Variants in TEF observed in about 807,000 individuals in gnomAD.
The protein encoded by TEF is TEF transcription factor, PAR bZIP family member, also known as thyrotroph embryonic factor.
A neutral mutation model predicts 20.8 loss-of-function variants in TEF; 3 were observed. That is an observed-to-expected ratio of 0.14 (90% CI 0.07 to 0.37). TEF has a LOEUF of 0.37. TEF is among the 10% of genes least tolerant of loss of function. TEF has a pLI of 1.00. For synonymous variants in TEF, 180 were observed against 171.1 expected (o/e 1.05, Z -0.41); for missense variants, 296 against 397.9 (o/e 0.74, Z 2.18).
chr22:41,385,414 A>G (rs537534429), intron 1 of TEF, among the ~76,000 whole-genome samples: 1 of 152,238 alleles, frequency 6.6e-6, no homozygotes, highest in East Asian at 1.9e-4. Context: ...CTTTATCCTT[A>G]TGTACAGTGG....
chr22:41,396,145 A>T lies in TEF; in HGVS notation c.*185A>T. 3.2e-6 allele frequency: 2 copies of T among 617,198 alleles called. No homozygotes were observed. Among genetic ancestry groups the T allele is most frequent in the South Asian group, 4.0e-5 (2 of 49,422 alleles). The allele number at this position is 617,198 out of a possible 1,614,324, so 38.2% of individuals were successfully genotyped here. ...GCCTGCGCACGTGGCGACGTCCCTG[A>T]GGGGCCAGTCTCCTCACTGGTGGGG... On this transcript the variant is annotated 3_prime_UTR_variant, in exon 4 of 4. Coordinates refer to ENST00000266304, the MANE Select transcript of TEF (RefSeq NM_003216.4).
exon 1 of TEF, chr22:41,367,586 A>G: frequency 6.4e-7 from 1 of 1,551,330 alleles, no homozygotes; most frequent in Non-Finnish European, 8.7e-7. Flanking sequence ...TGCCTTGGCC[A>G]GAGAAGAGAA....
chr22:41,377,993 C>T (rs2036964850), upstream of TEF, among the ~76,000 whole-genome samples: 1 of 152,112 alleles, frequency 6.6e-6, no homozygotes, highest in Admixed American at 6.6e-5. Context: ...CTCATAAACA[C>T]GTGTTAGAAC....
At chr22:41,378,152 C>G (rs2036967011), upstream of TEF, among the ~76,000 whole-genome samples, 1 of 97,582 alleles carries the variant, frequency 1.0e-5, no homozygotes, top group Non-Finnish European at 2.4e-5. Flanking sequence ...TTTTAAAAAG[C>G]TTCCTTAGCT....
Position 41,396,034 on chromosome 22 carries a change from C to T in TEF, c.*74C>T. 2 of 1,499,600 alleles carry T rather than the reference C, an allele frequency of 1.3e-6. No individual in the cohort carries two copies. The highest frequency in any genetic ancestry group is 1.8e-6 in the Non-Finnish European group (2 of 1,098,676). The allele number at this position is 1,499,600 out of a possible 1,614,324, so 92.9% of individuals were successfully genotyped here. ...CCTGGGGGCTCCCTGTAACCCCTCA[C>T]ACGCGTGGAGACTTATGACTCGTCG... is the stretch of plus-strand genomic sequence containing the variant. On this transcript the variant is annotated 3_prime_UTR_variant, in exon 4 of 4. Transcript: ENST00000266304.
At chr22:41,381,908 A>C, upstream of TEF, 1 of 1,226,026 alleles carries the variant, frequency 8.2e-7, no homozygotes, top group Non-Finnish European at 1.0e-6. Flanking sequence ...CGGGGTAGCG[A>C]TGGAAGGAGG....
chr22:41,370,522 C>T (rs1390189248), intron 1 of TEF, among the ~76,000 whole-genome samples: 2 of 151,484 alleles, frequency 1.3e-5, no homozygotes, highest in Non-Finnish European at 2.9e-5. Context: ...AAGCAATTCT[C>T]CTGCCTCAGT....
At chr22:41,378,432 G>A (rs1439061864), upstream of TEF, among the ~76,000 whole-genome samples, 1 of 145,112 alleles carries the variant, frequency 6.9e-6, no homozygotes, top group Non-Finnish European at 1.5e-5. Flanking sequence ...TGCAAGCTCC[G>A]CCTCCCGGGT....
intron 1 of TEF, chr22:41,367,696 C>T (rs1393234153): frequency 1.6e-6 from 2 of 1,260,528 alleles, no homozygotes; most frequent in South Asian, 2.8e-5. Context: ...CATCTCCAAG[C>T]CAGGGAGGGT....
intron 3 of TEF, 130 bp downstream of exon 3, chr22:41,394,446 A>G (rs1391379799): frequency 4.4e-6 from 4 of 906,172 alleles, no homozygotes; most frequent in East Asian, 2.7e-5. Flanking sequence ...ACATGAGTTT[A>G]GTGCTTAAAG....
chr22:41,370,004 T>C, intron 1 of TEF: 12 of 985,382 alleles, frequency 1.2e-5, no homozygotes, highest in Non-Finnish European at 1.4e-5. Context: ...TCACCTCCAG[T>C]GGGAGGGAAG....
chr22:41,391,224 A>G (rs985469457), intron 2 of TEF, among the ~76,000 whole-genome samples: 1 of 152,158 alleles, frequency 6.6e-6, no homozygotes, highest in Non-Finnish European at 1.5e-5. Context: ...CAGGTGTTCT[A>G]TCTCAGGATA....
chr22:41,386,696 T>C (rs1333552252), intron 1 of TEF, among the ~76,000 whole-genome samples: 1 of 152,010 alleles, frequency 6.6e-6, no homozygotes, highest in Non-Finnish European at 1.5e-5. Context: ...TGAGCCAAGA[T>C]TGCGCCATTG....
intron 1 of TEF, among the ~76,000 whole-genome samples, chr22:41,386,115 C>A (rs73176686): frequency 6.6e-6 from 1 of 152,094 alleles, no homozygotes; most frequent in Non-Finnish European, 1.5e-5. Context: ...CTGACCCCCC[C>A]GCACCTGGCC....
At chr22:41,391,660 G>A (rs1344348383) in intron 2 of TEF, among the ~76,000 whole-genome samples, 2 of 141,236 alleles carry the variant, frequency 1.4e-5, no homozygotes, top group East Asian at 4.3e-4. Flanking sequence ...GTCTCACTCT[G>A]TCGCCAGGCT....
upstream of TEF, among the ~76,000 whole-genome samples, chr22:41,379,679 A>G (rs1196152080): frequency 6.6e-6 from 1 of 152,200 alleles, no homozygotes; most frequent in African/African-American, 2.4e-5. Flanking sequence ...AGCCTGACCA[A>G]CATGGAGAAA....
At chr22:41,374,437 A>G (rs949836610) in intron 1 of TEF, among the ~76,000 whole-genome samples, 49 of 152,178 alleles carry the variant, frequency 3.2e-4, no homozygotes, top group African/African-American at 1.2e-3. Flanking sequence ...CTGTAGTCCC[A>G]GCTACTCGGT....
At chr22:41,391,504 C>A (rs9941954) in intron 2 of TEF, among the ~76,000 whole-genome samples, 3 of 151,576 alleles carry the variant, frequency 2.0e-5, no homozygotes, top group Non-Finnish European at 4.4e-5. Flanking sequence ...TTAGTAGAGA[C>A]GGGGTTTCAT....
intron 2 of TEF, among the ~76,000 whole-genome samples, chr22:41,393,878 G>A (rs370011830): frequency 4.4e-4 from 67 of 152,220 alleles, no homozygotes; most frequent in Non-Finnish European, 8.7e-4. Flanking sequence ...TTCCTTTTGA[G>A]CATTCTGTTC....
Sources: gnomAD v4.1 joint callset for allele counts (sites outside exome capture counted in the v4.1 genomes callset) on GRCh38, gnomAD v4.1.1 for gene constraint, MANE v1.5 for transcripts, NCBI Gene and HGNC (gene_info 2026-07-23, HGNC 2026-07-21) for gene names.